TBK1: variants seen among roughly 807,000 people sequenced by gnomAD.
The protein encoded by TBK1 is serine/threonine-protein kinase TBK1.
In TBK1, 37 loss-of-function variants were observed where a neutral mutation model predicts 99.9. That is an observed-to-expected ratio of 0.37 (90% CI 0.28 to 0.49). The LOEUF (loss-of-function observed/expected upper bound fraction) is 0.49, where lower values mean the gene tolerates loss of function less well. Ranked by LOEUF, TBK1 falls within the 20% of genes least tolerant of loss-of-function variation. TBK1 has a pLI of 0.98. For missense variants in TBK1, 644 were observed against 872.5 expected, an observed-to-expected ratio of 0.74 and a Z score of 3.30; for synonymous variants, 258 against 279.8, an observed-to-expected ratio of 0.92 and a Z score of 0.78.
intron 11 of TBK1, among the ~76,000 whole-genome samples, chr12:64,487,487 A>T (rs755192812): frequency 2.0e-5 from 3 of 152,116 alleles, no homozygotes; most frequent in Non-Finnish European, 4.4e-5. Flanking sequence ...CTGTGTTCAC[A>T]TATCTTAGTT....
intron 9 of TBK1, among the ~76,000 whole-genome samples, chr12:64,484,735 G>A (rs2040801779): frequency 6.6e-6 from 1 of 152,162 alleles, no homozygotes; most frequent in Non-Finnish European, 1.5e-5. Context: ...CTGGGAGACA[G>A]TGTGGGACCC....
At chr12:64,499,024 T>C (rs928569391) in intron 20 of TBK1, among the ~76,000 whole-genome samples, 13 of 145,348 alleles carry the variant, frequency 8.9e-5, no homozygotes, top group Non-Finnish European at 1.9e-4. Flanking sequence ...TGTTGGGTTT[T>C]ACTAATTTTA....
At chr12:64,489,572 G>C (rs572925462) in intron 12 of TBK1, among the ~76,000 whole-genome samples, 59 of 148,648 alleles carry the variant, frequency 4.0e-4, no homozygotes, top group Non-Finnish European at 8.1e-4. Flanking sequence ...TTGTTTTTTT[G>C]GTTTTTTTTT....
chr12:64,477,837 T>C (rs2040730012), intron 6 of TBK1, among the ~76,000 whole-genome samples: 1 of 152,212 alleles, frequency 6.6e-6, no homozygotes, highest in African/African-American at 2.4e-5. Context: ...TGTTGAGATG[T>C]ATTGCCATAA....
chr12:64,469,492 G>T (rs571972186), intron 5 of TBK1, among the ~76,000 whole-genome samples: 1 of 152,202 alleles, frequency 6.6e-6, no homozygotes, highest in African/African-American at 2.4e-5. Flanking sequence ...TCTGTTGGTG[G>T]TCTTCTCAGT....
intron 8 of TBK1, among the ~76,000 whole-genome samples, chr12:64,482,437 G>A (rs2040776937): frequency 6.6e-6 from 1 of 151,880 alleles, no homozygotes; most frequent in South Asian, 2.1e-4. Flanking sequence ...AGATAATATG[G>A]TTACTATTAA....
At chr12:64,474,602 CA>C (rs2040694254) in intron 6 of TBK1, among the ~76,000 whole-genome samples, 1 of 152,044 alleles carries the variant, frequency 6.6e-6, no homozygotes, top group African/African-American at 2.4e-5. Context: ...CTTATATACA[CA>C]GTATAAATGG....
At chr12:64,471,096 A>G (rs945030854) in intron 5 of TBK1, among the ~76,000 whole-genome samples, 1 of 152,176 alleles carries the variant, frequency 6.6e-6, no homozygotes, top group Admixed American at 6.6e-5. Context: ...CCCAGGAACT[A>G]CAACCCATAT....
intron 19 of TBK1, 31 bp downstream of exon 19, chr12:64,497,785 G>A: frequency 6.5e-7 from 1 of 1,527,908 alleles, no homozygotes; most frequent in Non-Finnish European, 8.9e-7. Context: ...AAACTGTAGT[G>A]TTTCCATTTG....
At chr12:64,487,605 A>G (rs145494291) in intron 11 of TBK1, among the ~76,000 whole-genome samples, 4 of 152,264 alleles carry the variant, frequency 2.6e-5, no homozygotes, top group Non-Finnish European at 5.9e-5. Context: ...TCTATCGTCA[A>G]TTGCTGATCC....
At chr12:64,498,166 TTCTC>T (rs1179290295) in intron 20 of TBK1, 127 bp downstream of exon 20, 4 of 748,746 alleles carry the variant, frequency 5.3e-6, no homozygotes, top group Non-Finnish European at 8.7e-6. Context: ...ACTCATGTTT[TTCTC>T]TCTATGATTG....
intron 6 of TBK1, among the ~76,000 whole-genome samples, chr12:64,478,281 G>C (rs574226075): frequency 6.6e-6 from 1 of 152,276 alleles, no homozygotes; most frequent in South Asian, 2.1e-4. Context: ...CTCCCGAATA[G>C]CTGGGATTAC....
intron 11 of TBK1, 95 bp downstream of exon 11, chr12:64,486,112 T>A: frequency 1.4e-6 from 1 of 728,996 alleles, no homozygotes; most frequent in Non-Finnish European, 2.2e-6. Flanking sequence ...GTTAGGTGCT[T>A]GATTTTTATT....
intron 18 of TBK1, 120 bp from the exon 19 acceptor site, chr12:64,497,528 A>T (rs999214456): frequency 5.9e-6 from 4 of 680,834 alleles, no homozygotes; most frequent in Non-Finnish European, 9.4e-6. Flanking sequence ...ATCAAAATTT[A>T]AAGTTTTTTT....
chr12:64,480,098 T>C lies in TBK1; in HGVS notation c.788T>C (p.Met263Thr). The change falls in exon 7 of 21, where the codon ATG becomes ACG. Residue 263 changes from methionine (M) to threonine (T), a missense_variant. Coordinates refer to ENST00000331710, the MANE Select transcript of TBK1 (RefSeq NM_013254.4). ...GGACCAATTGACTGGAGTGGAGACA[T>C]GCCTGTTTCTTGCAGTCTTTCTCGG... ...ENGPIDWSGD[M>T]PVSCSLSRGL... 1 of 1,612,910 alleles carries C rather than the reference T, an allele frequency of 6.2e-7. No homozygotes were observed. Among genetic ancestry groups the C allele is most frequent in the Non-Finnish European group, 8.5e-7 (1 of 1,179,278 alleles).
intron 6 of TBK1, among the ~76,000 whole-genome samples, chr12:64,475,505 C>T (rs949598219): frequency 2.6e-5 from 4 of 152,128 alleles, no homozygotes; most frequent in African/African-American, 9.7e-5. Flanking sequence ...GGGATAATTA[C>T]AAGAATTGAT....
intron 1 of TBK1, among the ~76,000 whole-genome samples, chr12:64,454,331 C>T (rs1022110203): frequency 6.6e-6 from 1 of 152,154 alleles, no homozygotes; most frequent in African/African-American, 2.4e-5. Context: ...ACTGCAACCT[C>T]TGCCTCCTGG....
chr12:64,499,785 C>T (rs2136090896), intron 20 of TBK1, among the ~76,000 whole-genome samples: 1 of 149,872 alleles, frequency 6.7e-6, no homozygotes, highest in East Asian at 2.0e-4. Flanking sequence ...GCAACCTCCA[C>T]CTCCCGAGTT....
intron 3 of TBK1, among the ~76,000 whole-genome samples, chr12:64,461,733 C>A (rs775645758): frequency 6.6e-6 from 1 of 152,144 alleles, no homozygotes; most frequent in Non-Finnish European, 1.5e-5. Flanking sequence ...TCATCCCAGC[C>A]GGCTACAAAT....
Sources: allele counts gnomAD v4.1 joint callset (sites outside exome capture counted in the v4.1 genomes callset), GRCh38; gene constraint gnomAD v4.1.1; transcripts MANE v1.5; gene names NCBI Gene and HGNC (gene_info 2026-07-23, HGNC 2026-07-21).